Variants in TMEM108 observed in about 807,000 individuals in gnomAD.
TMEM108 encodes the protein transmembrane protein 108.
TMEM108 carries 12 observed loss-of-function variants against 35.1 expected under a neutral mutation model. That is an observed-to-expected ratio of 0.34 (90% CI 0.22 to 0.55). The LOEUF is 0.55. Among genes scored for constraint, TMEM108 ranks in the 20% least tolerant of loss-of-function variants. The pLI is 0.89. For missense variants in TMEM108, 680 were observed against 753.3 expected, an observed-to-expected ratio of 0.90 and a Z score of 1.14; for synonymous variants, 287 against 308.6, an observed-to-expected ratio of 0.93 and a Z score of 0.73.
chr3:133,116,045 A>T (rs1944284239), intron 2 of TMEM108, among the ~76,000 whole-genome samples: 1 of 152,228 alleles, frequency 6.6e-6, no homozygotes, highest in Admixed American at 6.5e-5. Context: ...AGGAAACTTC[A>T]CAGGCCATCA....
chr3:133,272,457 C>T lies in TMEM108; in HGVS notation c.40+43106C>T, dbSNP rs943551209. Among the ~76,000 whole-genome samples the T allele has an allele frequency of 7.7e-4, 117 of 152,140 alleles. 2 individuals are homozygous for T. The highest frequency in any genetic ancestry group is 7.7e-3 in the Admixed American group (117 of 15,276). ...GCATTTACCTTCTAAATCAACTCAT[C>T]CTTTTTACAGTTGATGGAGGTTAAA... On this transcript the variant is annotated intron_variant, in intron 3 of 5. Transcript: ENST00000321871.
chr3:133,169,650 A>T (rs1945099067), intron 2 of TMEM108, among the ~76,000 whole-genome samples: 1 of 152,228 alleles, frequency 6.6e-6, no homozygotes, highest in African/African-American at 2.4e-5. Context: ...CTCCAGATTT[A>T]TTATAACCGG....
chr3:133,225,291 C>T (rs142716480), intron 2 of TMEM108, among the ~76,000 whole-genome samples: 4,602 of 152,114 alleles, frequency 0.03, 216 homozygotes, highest in African/African-American at 0.1. Flanking sequence ...CGTGATCCAC[C>T]CACCTTGGCC....
At chr3:133,354,952 A>T (rs1234547393) in intron 3 of TMEM108, among the ~76,000 whole-genome samples, 1 of 152,016 alleles carries the variant, frequency 6.6e-6, no homozygotes, top group Non-Finnish European at 1.5e-5. Flanking sequence ...CTTCATACTC[A>T]TGCATATTTC....
intron 2 of TMEM108, among the ~76,000 whole-genome samples, chr3:133,069,506 T>C (rs73003683): frequency 6.6e-6 from 1 of 152,088 alleles, no homozygotes; most frequent in Non-Finnish European, 1.5e-5. Flanking sequence ...TTAACTAGTA[T>C]AAAGTCATAT....
chr3:133,177,605 A>G (rs1945255181), intron 2 of TMEM108, among the ~76,000 whole-genome samples: 1 of 152,248 alleles, frequency 6.6e-6, no homozygotes, highest in Admixed American at 6.5e-5. Context: ...GGCCTTAGAC[A>G]AAATTCAACA....
chr3:133,121,596 T>A (rs1334528378), intron 2 of TMEM108, among the ~76,000 whole-genome samples: 3 of 152,324 alleles, frequency 2.0e-5, no homozygotes, highest in Middle Eastern at 3.4e-3. Context: ...CATGGAAGCA[T>A]CTTGTTTTAC....
intron 2 of TMEM108, among the ~76,000 whole-genome samples, chr3:133,173,142 G>A (rs371654327): frequency 2.0e-5 from 3 of 152,196 alleles, no homozygotes; most frequent in African/African-American, 4.8e-5. Flanking sequence ...TGCTCAAGAA[G>A]GCAGCAAAAA....
At chr3:133,059,341 A>G (rs937860685) in intron 2 of TMEM108, among the ~76,000 whole-genome samples, 2 of 152,232 alleles carry the variant, frequency 1.3e-5, no homozygotes, top group African/African-American at 4.8e-5. Flanking sequence ...TATATTTAGT[A>G]ACTACTTGCC....
chr3:133,100,429 G>C (rs1944072702), intron 2 of TMEM108, among the ~76,000 whole-genome samples: 1 of 152,042 alleles, frequency 6.6e-6, no homozygotes, highest in Admixed American at 6.6e-5. Flanking sequence ...GTGAAACGCT[G>C]TCTCTACAAA....
chr3:133,197,457 C>T (rs577944661), intron 2 of TMEM108, among the ~76,000 whole-genome samples: 1 of 152,214 alleles, frequency 6.6e-6, no homozygotes, highest in East Asian at 1.9e-4. Context: ...TTGATTCTAT[C>T]AAAATCTAAT....
chr3:133,180,279 A>C (rs1021925988), intron 2 of TMEM108, among the ~76,000 whole-genome samples: 4 of 152,184 alleles, frequency 2.6e-5, no homozygotes, highest in Non-Finnish European at 5.9e-5. Context: ...CCAGAAGTTC[A>C]TACTGCCAAC....
chr3:133,335,952 A>C (rs953095074), intron 3 of TMEM108, among the ~76,000 whole-genome samples: 2 of 152,150 alleles, frequency 1.3e-5, no homozygotes, highest in African/African-American at 4.8e-5. Flanking sequence ...CTGCCCTGTC[A>C]CAACAGAAAG....
intron 2 of TMEM108, among the ~76,000 whole-genome samples, chr3:133,189,287 A>G (rs1945465112): frequency 6.6e-6 from 1 of 152,170 alleles, no homozygotes; most frequent in African/African-American, 2.4e-5. Flanking sequence ...TTGGAAGGAG[A>G]TGACCTTTAC....
At chr3:133,066,445 A>G (rs1292572625) in intron 2 of TMEM108, among the ~76,000 whole-genome samples, 1 of 152,214 alleles carries the variant, frequency 6.6e-6, no homozygotes, top group Non-Finnish European at 1.5e-5. Context: ...AAGAAAAAAA[A>G]GCAAGATAAT....
In TMEM108 at chr3:133,212,866, C is replaced by CAAA. The variant is rs61575298; in HGVS notation, c.-46-16388_-46-16386dup. ...TGAGTGACAGAGGGAGACTCTGTCT[C>CAAA]AAAAAAAAAAAAAAGGAAAAAAAAA... On this transcript the variant is annotated intron_variant, in intron 2 of 5. Coordinates refer to ENST00000321871, the MANE Select transcript of TMEM108 (RefSeq NM_023943.4). 3.4e-3 allele frequency among the ~76,000 whole-genome samples: 281 copies of CAAA among 82,318 alleles called. 3 individuals carry two copies. The highest frequency in any genetic ancestry group is 6.6e-3 in the Admixed American group (51 of 7,768). 54.0% of individuals were successfully genotyped at this position (82,318 alleles called of 152,430 possible).
intron 2 of TMEM108, among the ~76,000 whole-genome samples, chr3:133,208,371 A>G (rs1295617924): frequency 6.6e-6 from 1 of 152,180 alleles, no homozygotes; most frequent in African/African-American, 2.4e-5. Flanking sequence ...AGTTCTGAGG[A>G]TCTAGCTGCA....
chr3:133,112,503 A>G (rs1178434379), intron 2 of TMEM108, among the ~76,000 whole-genome samples: 2 of 152,208 alleles, frequency 1.3e-5, no homozygotes, highest in African/African-American at 2.4e-5. Flanking sequence ...TCTGATGTTT[A>G]ATAACATGTA....
At chr3:133,307,393 A>G (rs1489032231) in intron 3 of TMEM108, among the ~76,000 whole-genome samples, 1 of 152,032 alleles carries the variant, frequency 6.6e-6, no homozygotes, top group East Asian at 1.9e-4. Flanking sequence ...CCATTTGTCT[A>G]TTTTGGCTTT....
Sources: gnomAD v4.1 joint callset for allele counts (sites outside exome capture counted in the v4.1 genomes callset) on GRCh38, gnomAD v4.1.1 for gene constraint, MANE v1.5 for transcripts, NCBI Gene and HGNC (gene_info 2026-07-23, HGNC 2026-07-21) for gene names.